CLVS1: variants seen among roughly 807,000 people sequenced by gnomAD.
The protein encoded by CLVS1 is clavesin-1.
A neutral mutation model predicts 33.1 loss-of-function variants in CLVS1; 10 were observed. That is an observed-to-expected ratio of 0.30 (90% CI 0.19 to 0.51). The LOEUF (loss-of-function observed/expected upper bound fraction) is 0.51, where lower values mean the gene tolerates loss of function less well. CLVS1 is among the 20% of genes least tolerant of loss of function. The probability of loss-of-function intolerance (pLI) is 0.97; values close to 1 mark genes in which losing one functional copy is unlikely to be tolerated. For missense variants in CLVS1, 343 were observed against 433.4 expected (o/e 0.79, Z 1.85); for synonymous variants, 163 against 166.1 (o/e 0.98, Z 0.14).
intron 2 of CLVS1, among the ~76,000 whole-genome samples, chr8:61,330,462 G>A (rs1022705396): frequency 6.6e-6 from 1 of 152,194 alleles, no homozygotes; most frequent in African/African-American, 2.4e-5. Flanking sequence ...ATGGGCTGCA[G>A]GCTGGAGGTC....
the CLVS1 span, among the ~76,000 whole-genome samples, chr8:61,016,099 C>T: frequency 6.6e-6 from 1 of 152,190 alleles, no homozygotes; most frequent in Non-Finnish European, 1.5e-5. Flanking sequence ...ATCTTTGTTT[C>T]AGGCACAAAA....
At chr8:60,970,748 T>C in the CLVS1 span, among the ~76,000 whole-genome samples, 1 of 152,222 alleles carries the variant, frequency 6.6e-6, no homozygotes, top group Admixed American at 6.5e-5. Context: ...TTCATGATGA[T>C]GTGACTTGGT....
At position 61,248,071 on chromosome 8, in the gene CLVS1, C is replaced by A. The variant is rs182893675; in HGVS notation, c.-151-51606C>A. ...TTTCTTCATTGCTTGTTTTTGTCAG[C>A]TTTGTCAAAGATTGGATGGCTGTAG... On this transcript the variant is annotated intron_variant, in intron 2 of 2. Coordinates refer to the CLVS1 transcript ENST00000522621. 2.3e-3 allele frequency among the ~76,000 whole-genome samples: 348 copies of A among 152,162 alleles called. 1 individual carries two copies. Among genetic ancestry groups the A allele is most frequent in the African/African-American group, 8.0e-3 (333 of 41,524 alleles).
the CLVS1 span, among the ~76,000 whole-genome samples, chr8:61,049,735 T>G: frequency 6.6e-6 from 1 of 152,128 alleles, no homozygotes; most frequent in Non-Finnish European, 1.5e-5. Flanking sequence ...CTAGGAAAAA[T>G]GTAAAAATAA....
chr8:61,265,035 C>T (rs1809277782), intron 2 of CLVS1, among the ~76,000 whole-genome samples: 1 of 152,150 alleles, frequency 6.6e-6, no homozygotes, highest in Admixed American at 6.5e-5. Flanking sequence ...TCAAGATTTT[C>T]CTTTATTTCC....
At chr8:61,055,225 T>C (rs565004844), upstream of CLVS1, among the ~76,000 whole-genome samples, 6 of 152,294 alleles carry the variant, frequency 3.9e-5, no homozygotes, top group South Asian at 1.2e-3. Flanking sequence ...ACTAAACATA[T>C]TTGTAGGAAG....
intron 2 of CLVS1, among the ~76,000 whole-genome samples, chr8:61,279,973 AT>A (rs922052002): frequency 4.2e-4 from 63 of 148,350 alleles, no homozygotes; most frequent in African/African-American, 1.5e-3. Flanking sequence ...TGAACTTTAA[AT>A]ATCTTATTTT....
At chr8:61,082,607 G>T (rs942546346) in intron 1 of CLVS1, among the ~76,000 whole-genome samples, 1 of 152,180 alleles carries the variant, frequency 6.6e-6, no homozygotes, top group African/African-American at 2.4e-5. Flanking sequence ...GGAGGGTGGG[G>T]AAATACCTTA....
intron 2 of CLVS1, among the ~76,000 whole-genome samples, chr8:61,342,596 T>C (rs1439647902): frequency 6.6e-6 from 1 of 152,224 alleles, no homozygotes; most frequent in Non-Finnish European, 1.5e-5. Flanking sequence ...GGCACAGCCA[T>C]TGGCATACGG....
chr8:61,397,154 CAAT>C (rs1014804066), intron 3 of CLVS1, among the ~76,000 whole-genome samples: 6 of 152,116 alleles, frequency 3.9e-5, no homozygotes, highest in African/African-American at 1.4e-4. Flanking sequence ...TTTCCACCAA[CAAT>C]GTGTGAGAGC....
chr8:61,234,275 G>C (rs1808506947), intron 2 of CLVS1, among the ~76,000 whole-genome samples: 2 of 152,204 alleles, frequency 1.3e-5, no homozygotes, highest in African/African-American at 4.8e-5. Flanking sequence ...ATTCATGTGA[G>C]AGAAACAGCC....
chr8:61,326,737 A>T (rs534466236), intron 2 of CLVS1, among the ~76,000 whole-genome samples: 5 of 152,204 alleles, frequency 3.3e-5, no homozygotes, highest in Non-Finnish European at 7.4e-5. Context: ...ATCATCTAAC[A>T]TAAATAAGTA....
At chr8:61,362,850 A>G (rs2129600142) in intron 2 of CLVS1, among the ~76,000 whole-genome samples, 1 of 152,242 alleles carries the variant, frequency 6.6e-6, no homozygotes, top group South Asian at 2.1e-4. Context: ...ATTACTTACA[A>G]TATTTATATG....
chr8:61,240,528 AT>A (rs1314305310), intron 2 of CLVS1, among the ~76,000 whole-genome samples: 2 of 152,174 alleles, frequency 1.3e-5, no homozygotes, highest in African/African-American at 4.8e-5. Context: ...GTACATGTCT[AT>A]TTGTTTAGCC....
At chr8:61,395,448 G>A (rs1165602308) in intron 3 of CLVS1, among the ~76,000 whole-genome samples, 2 of 152,054 alleles carry the variant, frequency 1.3e-5, no homozygotes, top group South Asian at 2.1e-4. Context: ...TTGCTAATAG[G>A]CTTTTAACAT....
At chr8:61,274,142 C>G (rs1809519566) in intron 2 of CLVS1, 1 of 152,192 alleles carries the variant, frequency 6.6e-6, no homozygotes, top group Non-Finnish European at 1.5e-5. Flanking sequence ...TTAAACATTT[C>G]ACATGGTATT....
chr8:61,098,923 C>A (rs1192449377), intron 1 of CLVS1, among the ~76,000 whole-genome samples: 2 of 152,140 alleles, frequency 1.3e-5, no homozygotes, highest in African/African-American at 4.8e-5. Context: ...AAAGCCTATG[C>A]TCTTTAAGGG....
At position 61,500,378 on chromosome 8, in the gene CLVS1, C is replaced by CAA. The variant is rs745397075; in HGVS notation, c.*838_*839dup. Reference sequence around the variant, plus strand: ...AGTTGCCTCAACTGGGTCACTACAGCAAAGAAAAGTGCTATCAAACCATTT... The same window carrying CAA: ...AGTTGCCTCAACTGGGTCACTACAGCAAAAAGAAAAGTGCTATCAAACCATTT... On this transcript the variant is annotated 3_prime_UTR_variant, in exon 6 of 6. Coordinates refer to ENST00000325897, the MANE Select transcript of CLVS1 (RefSeq NM_173519.3). The CAA allele has an allele frequency of 2.0e-5, 3 of 152,054 alleles. No homozygotes were observed. Among genetic ancestry groups the CAA allele is most frequent in the Non-Finnish European group, 4.4e-5 (3 of 67,974 alleles). The allele number at this position is 152,054 out of a possible 1,614,324, so 9.4% of individuals were successfully genotyped here.
At chr8:61,325,927 TG>T (rs2129596749) in intron 2 of CLVS1, among the ~76,000 whole-genome samples, 1 of 152,312 alleles carries the variant, frequency 6.6e-6, no homozygotes, top group Non-Finnish European at 1.5e-5. Flanking sequence ...TGCCAAATAA[TG>T]CTTTCCACTT....
Sources: gnomAD v4.1 joint callset for allele counts (sites outside exome capture counted in the v4.1 genomes callset) on GRCh38, gnomAD v4.1.1 for gene constraint, MANE v1.5 for transcripts, NCBI Gene and HGNC (gene_info 2026-07-23, HGNC 2026-07-21) for gene names.